ANXA13: variants seen among roughly 807,000 people sequenced by gnomAD.
ANXA13 encodes annexin XIII.
ANXA13 carries 36 observed loss-of-function variants against 46.6 expected under a neutral mutation model. The observed-to-expected ratio is 0.77, with a 90% confidence interval of 0.59 to 1.02. ANXA13 has a LOEUF of 1.02. Among genes scored for constraint, ANXA13 ranks in the 50% least tolerant of loss-of-function variants. The probability of loss-of-function intolerance (pLI) is 0.00; values close to 1 mark genes in which losing one functional copy is unlikely to be tolerated. For synonymous variants in ANXA13, 163 were observed against 152.9 expected (o/e 1.07, Z -0.49); for missense variants, 417 against 396.5 (o/e 1.05, Z -0.44).
intron 1 of ANXA13, among the ~76,000 whole-genome samples, chr8:123,714,226 C>T (rs1310925965): frequency 6.6e-6 from 1 of 152,174 alleles, no homozygotes; most frequent in African/African-American, 2.4e-5. Context: ...AGGCTTGAGC[C>T]CCTTTGTCCT....
intron 1 of ANXA13, among the ~76,000 whole-genome samples, chr8:123,722,370 G>A (rs1252876591): frequency 7.1e-6 from 1 of 140,852 alleles, no homozygotes; most frequent in African/African-American, 3.0e-5. Context: ...AAGAAAGAAA[G>A]AAAGAAAGAA....
At chr8:123,695,746 A>G (rs779877290) in intron 4 of ANXA13, 25 bp from the exon 5 acceptor site, 9 of 1,598,868 alleles carry the variant, frequency 5.6e-6, no homozygotes, top group African/African-American at 4.0e-5. Context: ...TTACAAAAAA[A>G]TCAATATTCC....
At chr8:123,682,839 A>G (rs1813063766) in intron 10 of ANXA13, among the ~76,000 whole-genome samples, 1 of 152,196 alleles carries the variant, frequency 6.6e-6, no homozygotes, top group South Asian at 2.1e-4. Flanking sequence ...GTAACTGCCC[A>G]CATGTTGAGA....
chr8:123,684,617 C>T lies in ANXA13; in HGVS notation c.824G>A (p.Arg275Lys). 1 of 1,613,072 alleles carries T rather than the reference C, an allele frequency of 6.2e-7. No homozygotes were observed. Among genetic ancestry groups the T allele is most frequent in the Non-Finnish European group, 8.5e-7 (1 of 1,179,064 alleles). The change falls in exon 10 of 11, where the codon AGG becomes AAG. Residue 275 changes from arginine to lysine, a missense_variant. Arg to Lys is a conservative substitution (Grantham distance 26). Transcript: ENST00000419625. ...AGTCGGAGTGTGTCTTACCTCGGCCCTGGTCACGACTATGCGAATCAACGT... is the reference window on the plus strand; with the variant it reads ...AGTCGGAGTGTGTCTTACCTCGGCCTTGGTCACGACTATGCGAATCAACGT... ...EETLIRIVVTRAEVDLQGIKA... is the reference protein window; with the variant it reads ...EETLIRIVVTKAEVDLQGIKA...
rs1563609099 is a variant in ANXA13, at chr8:123,698,395, G to T, written c.351C>A (p.Thr117=). 1.2e-6 allele frequency: 2 copies of T among 1,613,956 alleles called. No individual in the cohort carries two copies. The highest frequency in any genetic ancestry group is 1.7e-5 in the Admixed American group (1 of 60,016). Residue 117 remains threonine, a synonymous_variant, in exon 4 of 11, where the codon ACC becomes ACA. Transcript: ENST00000419625. Reference sequence around the variant, plus strand: ...GGGCTCAGCTGGGACTGACCTTATTGGTCCTCGTGCACAGGACCTCAATGA... The same window carrying T: ...GGGCTCAGCTGGGACTGACCTTATTTGTCCTCGTGCACAGGACCTCAATGA... ...SVLIEVLCTR[T]NKEIIAIKEA...
intron 2 of ANXA13, among the ~76,000 whole-genome samples, chr8:123,711,455 G>T (rs1001741): frequency 0.24 from 36,049 of 151,880 alleles, 4,830 homozygotes; most frequent in South Asian, 0.43. Flanking sequence ...CCTAGATGCT[G>T]TCTCCCTCAT....
intron 1 of ANXA13, among the ~76,000 whole-genome samples, chr8:123,722,784 T>C (rs1180478107): frequency 6.6e-6 from 1 of 152,220 alleles, no homozygotes; most frequent in Non-Finnish European, 1.5e-5. Flanking sequence ...GGTTTCATTA[T>C]GATGACTCAG....
chr8:123,701,051 C>A (rs1056398559), intron 3 of ANXA13, among the ~76,000 whole-genome samples: 2 of 152,118 alleles, frequency 1.3e-5, no homozygotes, highest in Admixed American at 6.5e-5. Flanking sequence ...CTCAAGTGAT[C>A]CTCCTGCCTT....
chr8:123,697,930 A>G (rs1586319223), intron 4 of ANXA13, among the ~76,000 whole-genome samples: 1 of 152,208 alleles, frequency 6.6e-6, no homozygotes, highest in South Asian at 2.1e-4. Flanking sequence ...ACTGGCAGCC[A>G]CTGGGGTGTT....
At chr8:123,728,818 T>C (rs1563620529) in intron 1 of ANXA13, 1 of 151,834 alleles carries the variant, frequency 6.6e-6, no homozygotes, top group Non-Finnish European at 1.5e-5. Flanking sequence ...TTAATTCTTT[T>C]AGTTAATTAA....
chr8:123,735,847 G>C lies in ANXA13; in HGVS notation c.15+1473C>G, dbSNP rs74368673. ...TGGGAGTCCCCTTTAGGCAACTGTT[G>C]ACTGCCTTCTGAGAGGGTGTACGAC... On this transcript the variant is annotated intron_variant, in intron 1 of 10. Coordinates refer to ENST00000419625, the MANE Select transcript of ANXA13 (RefSeq NM_004306.4). The C allele has an allele frequency of 5.1e-4, 821 of 1,611,958 alleles. 6 individuals carry two copies. In the African/African-American group the frequency reaches 0.01, roughly 20 times the overall value.
At chr8:123,692,516 G>T (rs536779889) in intron 8 of ANXA13, among the ~76,000 whole-genome samples, 38 of 152,110 alleles carry the variant, frequency 2.5e-4, no homozygotes, top group Admixed American at 2.4e-3. Context: ...TAACTAACTC[G>T]CTTTGTGGGC....
chr8:123,709,814 G>C (rs1471699879), intron 2 of ANXA13, among the ~76,000 whole-genome samples: 2 of 152,188 alleles, frequency 1.3e-5, no homozygotes. Context: ...CTGGAGTGCA[G>C]TGGTGCCATC....
At chr8:123,706,521 C>T (rs1682982731) in intron 2 of ANXA13, among the ~76,000 whole-genome samples, 1 of 152,198 alleles carries the variant, frequency 6.6e-6, no homozygotes, top group Non-Finnish European at 1.5e-5. Flanking sequence ...ACTAAGGCCT[C>T]TCCATTCCAC....
intron 1 of ANXA13, among the ~76,000 whole-genome samples, chr8:123,730,368 GGC>G (rs1814092213): frequency 6.6e-6 from 1 of 152,168 alleles, no homozygotes; most frequent in Non-Finnish European, 1.5e-5. Context: ...CAGACTCTCG[GGC>G]TCCACCTTAG....
chr8:123,730,521 C>A lies in ANXA13; in HGVS notation c.15+6799G>T, dbSNP rs1353350640. Among the ~76,000 whole-genome samples, 5 of 152,144 alleles carry A rather than the reference C, an allele frequency of 3.3e-5. No individual in the cohort carries two copies. The East Asian group carries it at 9.7e-4, about 29-fold the overall frequency. On this transcript the variant is annotated intron_variant, in intron 1 of 10. Coordinates refer to ENST00000419625, the MANE Select transcript of ANXA13 (RefSeq NM_004306.4). ...AATTTCCTTAGTGTCGTAGGTTGAA[C>A]AGTATCACCCCCACCCCCTCACCCA...
intron 10 of ANXA13, among the ~76,000 whole-genome samples, chr8:123,683,611 G>A (rs1014954237): frequency 6.0e-5 from 8 of 132,654 alleles, no homozygotes; most frequent in African/African-American, 2.3e-4. Context: ...TTTTGAGACC[G>A]AGTCTCGCTC....
chr8:123,700,484 T>C (rs1432698837), intron 3 of ANXA13, among the ~76,000 whole-genome samples: 2 of 152,210 alleles, frequency 1.3e-5, no homozygotes, highest in Non-Finnish European at 2.9e-5. Flanking sequence ...CTTTGCGTTG[T>C]TGGGATTCTA....
At chr8:123,716,508 A>G (rs1387328884) in intron 1 of ANXA13, among the ~76,000 whole-genome samples, 1 of 152,160 alleles carries the variant, frequency 6.6e-6, no homozygotes, top group Admixed American at 6.5e-5. Flanking sequence ...TCTGCTTGAG[A>G]AGATAATTCA....
Sources: allele counts gnomAD v4.1 joint callset (sites outside exome capture counted in the v4.1 genomes callset), GRCh38; gene constraint gnomAD v4.1.1; transcripts MANE v1.5; gene names NCBI Gene and HGNC (gene_info 2026-07-23, HGNC 2026-07-21).